The following IL1RAPL2 variants were observed in gnomAD, a reference collection of about 807,000 sequenced individuals.
IL1RAPL2 encodes the protein X-linked interleukin-1 receptor accessory protein-like 2.
IL1RAPL2 carries 3 observed loss-of-function variants against 44.1 expected under a neutral mutation model. The observed-to-expected ratio is 0.07, with a 90% CI of 0.03 to 0.18. The LOEUF (loss-of-function observed/expected upper bound fraction) is 0.18, where lower values mean the gene tolerates loss of function less well. IL1RAPL2 is among the 10% of genes least tolerant of loss of function. IL1RAPL2 has a pLI of 1.00. For missense variants in IL1RAPL2, 391 were observed against 496.4 expected (o/e 0.79, Z 2.02); for synonymous variants, 181 against 178.8 (o/e 1.01, Z -0.10).
intron 6 of IL1RAPL2, among the ~76,000 whole-genome samples, chrX:105,660,623 A>C (rs765174090): frequency 9.0e-6 from 1 of 111,610 alleles, no homozygotes; most frequent in South Asian, 3.8e-4. Context: ...AAAAGTTAAG[A>C]AGCAGAGGGA....
intron 6 of IL1RAPL2, among the ~76,000 whole-genome samples, chrX:105,508,509 A>G (rs2036446689): frequency 9.0e-6 from 1 of 110,613 alleles, no homozygotes; most frequent in Admixed American, 9.7e-5. Context: ...CTACTTGAAT[A>G]TCATAAGGTT....
intron 1 of IL1RAPL2, among the ~76,000 whole-genome samples, chrX:104,604,445 C>T (rs1928957833): frequency 9.1e-6 from 1 of 110,209 alleles, no homozygotes; most frequent in Admixed American, 9.7e-5. Flanking sequence ...GGATCAAATT[C>T]ACACATAACC....
At chrX:105,411,145 C>G (rs914951160) in intron 5 of IL1RAPL2, among the ~76,000 whole-genome samples, 6 of 110,562 alleles carry the variant, frequency 5.4e-5, no homozygotes, top group Non-Finnish European at 1.1e-4. Context: ...TAACCACAAA[C>G]AAAGAAATCA....
intron 2 of IL1RAPL2, among the ~76,000 whole-genome samples, chrX:104,899,217 C>A (rs1444234018): frequency 4.5e-5 from 5 of 111,815 alleles, no homozygotes; most frequent in African/African-American, 6.5e-5. Flanking sequence ...CTTGAGAGAA[C>A]TTGAATTACT....
intron 2 of IL1RAPL2, among the ~76,000 whole-genome samples, chrX:105,000,931 C>A (rs1037416387): frequency 9.0e-6 from 1 of 111,108 alleles, no homozygotes; most frequent in Non-Finnish European, 1.9e-5. Context: ...GCATTTTAAC[C>A]CCTAGCATTG....
At chrX:105,445,317 CA>C (rs1168236754) in intron 5 of IL1RAPL2, among the ~76,000 whole-genome samples, 1 of 110,936 alleles carries the variant, frequency 9.0e-6, no homozygotes, top group Non-Finnish European at 1.9e-5. Context: ...TTTATCTTTA[CA>C]AAAAAACAAA....
chrX:104,826,266 CT>C (rs1921448159), intron 2 of IL1RAPL2, among the ~76,000 whole-genome samples: 2 of 111,741 alleles, frequency 1.8e-5, no homozygotes, highest in Admixed American at 1.9e-4. Flanking sequence ...ATGAATTTTC[CT>C]CTAAACACTA....
chrX:105,283,436 G>T (rs780669180), intron 5 of IL1RAPL2, among the ~76,000 whole-genome samples: 2 of 111,272 alleles, frequency 1.8e-5, no homozygotes, highest in Non-Finnish European at 3.8e-5. Flanking sequence ...GGAACAGCAT[G>T]TGTCAGCTAT....
At chrX:105,060,346 A>G (rs1417661851) in intron 2 of IL1RAPL2, among the ~76,000 whole-genome samples, 1 of 111,742 alleles carries the variant, frequency 8.9e-6, no homozygotes, top group Non-Finnish European at 1.9e-5. Context: ...CTTTTTCAGC[A>G]TCAATTGAAA....
intron 6 of IL1RAPL2, among the ~76,000 whole-genome samples, chrX:105,557,308 G>A: frequency 9.0e-6 from 1 of 111,363 alleles, no homozygotes; most frequent in Non-Finnish European, 1.9e-5. Context: ...AGAGACACAG[G>A]AATAACACAA....
intron 6 of IL1RAPL2, among the ~76,000 whole-genome samples, chrX:105,531,736 T>C (rs1190487216): frequency 8.9e-6 from 1 of 111,977 alleles, no homozygotes; most frequent in Non-Finnish European, 1.9e-5. Flanking sequence ...TTTTTGTATA[T>C]GGTGACAGAT....
At chrX:105,110,066 G>A (rs1361298842) in intron 2 of IL1RAPL2, among the ~76,000 whole-genome samples, 3 of 111,746 alleles carry the variant, frequency 2.7e-5, no homozygotes, top group Admixed American at 9.5e-5. Context: ...CTACAAGTTC[G>A]CACAGCAAAT....
intron 2 of IL1RAPL2, among the ~76,000 whole-genome samples, chrX:104,814,909 G>A (rs1251172402): frequency 3.6e-5 from 4 of 111,918 alleles, no homozygotes; most frequent in Non-Finnish European, 5.6e-5. Flanking sequence ...CAGCAATATA[G>A]GAAAGTAGGA....
At chrX:105,420,420 T>C in intron 5 of IL1RAPL2, among the ~76,000 whole-genome samples, 1 of 111,535 alleles carries the variant, frequency 9.0e-6, no homozygotes. Context: ...AGAAAGTTTT[T>C]ATGTATTAAC....
chrX:104,905,150 G>A (rs1923948348), intron 2 of IL1RAPL2, among the ~76,000 whole-genome samples: 2 of 111,647 alleles, frequency 1.8e-5, no homozygotes, highest in Non-Finnish European at 3.8e-5. Flanking sequence ...TGATGGGGTT[G>A]TTTGTTTTTT....
intron 2 of IL1RAPL2, among the ~76,000 whole-genome samples, chrX:105,118,580 C>G (rs182871746): frequency 3.6e-5 from 4 of 111,708 alleles, no homozygotes; most frequent in Non-Finnish European, 7.5e-5. Flanking sequence ...TTTAGGAATA[C>G]CAAACTAGCA....
At chrX:105,487,538 A>G (rs768763365) in intron 6 of IL1RAPL2, among the ~76,000 whole-genome samples, 1 of 112,360 alleles carries the variant, frequency 8.9e-6, no homozygotes, top group East Asian at 2.8e-4. Context: ...CATCCCAGAA[A>G]GGCTGTTACT....
intron 6 of IL1RAPL2, among the ~76,000 whole-genome samples, chrX:105,527,620 A>T (rs1299144119): frequency 9.0e-6 from 1 of 111,243 alleles, no homozygotes; most frequent in African/African-American, 3.3e-5. Flanking sequence ...AACAGAATTG[A>T]TTTGTGTATT....
chrX:104,695,430 C>T (rs950017147), intron 2 of IL1RAPL2, among the ~76,000 whole-genome samples: 2 of 110,875 alleles, frequency 1.8e-5, no homozygotes, highest in Non-Finnish European at 3.8e-5. Flanking sequence ...CTAGAATCTT[C>T]TACCATAACA....
Sources: allele counts gnomAD v4.1 joint callset (sites outside exome capture counted in the v4.1 genomes callset), GRCh38; gene constraint gnomAD v4.1.1; transcripts MANE v1.5; gene names NCBI Gene and HGNC (gene_info 2026-07-23, HGNC 2026-07-21).